Variants in GLIS3 observed in about 807,000 individuals in gnomAD.
GLIS3 encodes the protein GLIS family zinc finger 3, also known as zinc finger protein GLIS3.
A neutral mutation model predicts 78.6 loss-of-function variants in GLIS3; 53 were observed. That is an observed-to-expected ratio of 0.67 (90% CI 0.54 to 0.85). The LOEUF is 0.85. Among genes scored for constraint, GLIS3 ranks in the 40% least tolerant of loss-of-function variants. The probability of loss-of-function intolerance (pLI) is 0.00; values close to 1 mark genes in which losing one functional copy is unlikely to be tolerated. For synonymous variants in GLIS3, 684 were observed against 509.9 expected (o/e 1.34, Z -4.60); for missense variants, 1,703 against 1,231.1 (o/e 1.38, Z -5.74).
the GLIS3 span, among the ~76,000 whole-genome samples, chr9:4,407,587 C>T: frequency 1.4e-3 from 207 of 152,280 alleles, 1 homozygote; most frequent in South Asian, 0.015. Context: ...GCGGAGCTTG[C>T]GGTGAGCCGA....
At position 4,242,391 on chromosome 9, in the gene GLIS3, AG is replaced by A. The variant is rs144394697; in HGVS notation, c.388+43646del. Reference sequence around the variant, plus strand: ...TTATTGCTCAAAAACTTGCTTTCTGAGGAACAATTCCCTTTATTCAGGGCTC... The same window carrying A: ...TTATTGCTCAAAAACTTGCTTTCTGAGAACAATTCCCTTTATTCAGGGCTC... On this transcript the variant is annotated intron_variant, in intron 2 of 10. Coordinates refer to ENST00000381971, the MANE Select transcript of GLIS3 (RefSeq NM_001042413.2). Among the ~76,000 whole-genome samples the A allele has an allele frequency of 6.1e-3, 933 of 152,256 alleles. 6 individuals are homozygous for A. Among genetic ancestry groups the A allele is most frequent in the African/African-American group, 0.022 (897 of 41,534 alleles).
At chr9:4,372,684 G>A in the GLIS3 span, among the ~76,000 whole-genome samples, 10 of 152,254 alleles carry the variant, frequency 6.6e-5, no homozygotes, top group African/African-American at 2.4e-4. Context: ...AAGTCTTGTG[G>A]CTTGGGGAGA....
At chr9:4,190,581 G>A (rs990857125) in intron 2 of GLIS3, among the ~76,000 whole-genome samples, 1 of 149,292 alleles carries the variant, frequency 6.7e-6, no homozygotes, top group Non-Finnish European at 1.5e-5. Flanking sequence ...GTGACGGGGA[G>A]AATGGAACCA....
the GLIS3 span, among the ~76,000 whole-genome samples, chr9:4,379,970 C>A: frequency 1.5e-4 from 2 of 13,362 alleles, no homozygotes; most frequent in Non-Finnish European, 3.4e-4. Context: ...TGAAAGACCC[C>A]CAGGAGGACT....
chr9:4,113,234 G>A (rs1009510286), intron 4 of GLIS3, among the ~76,000 whole-genome samples: 2 of 151,542 alleles, frequency 1.3e-5, no homozygotes, highest in Non-Finnish European at 2.9e-5. Flanking sequence ...AATAAGCCAC[G>A]GTTTATTGAC....
At chr9:3,855,918 G>T in intron 9 of GLIS3, 91 bp downstream of exon 9, 2 of 1,355,244 alleles carry the variant, frequency 1.5e-6, no homozygotes, top group Non-Finnish European at 2.1e-6. Flanking sequence ...GTAGAACAGA[G>T]CATCTGAAAT....
intron 2 of GLIS3, among the ~76,000 whole-genome samples, chr9:4,267,995 A>G (rs1826173102): frequency 6.6e-6 from 1 of 151,708 alleles, no homozygotes. Flanking sequence ...GTGTATATAT[A>G]TGTGTGTGAA....
At chr9:4,441,820 G>A in the GLIS3 span, among the ~76,000 whole-genome samples, 4 of 152,126 alleles carry the variant, frequency 2.6e-5, no homozygotes, top group Non-Finnish European at 4.4e-5. Context: ...TGCCCAGGCT[G>A]TTCTAGAATC....
chr9:3,918,785 G>C (rs574092696), intron 6 of GLIS3, among the ~76,000 whole-genome samples: 1 of 152,292 alleles, frequency 6.6e-6, no homozygotes, highest in East Asian at 1.9e-4. Flanking sequence ...TGGGGTTCTT[G>C]TCTATATAAT....
chr9:4,305,750 G>C, intron 4 of GLIS3: 1 of 117,184 alleles, frequency 8.5e-6, no homozygotes, highest in African/African-American at 3.2e-5. Context: ...TTTCTCCTCT[G>C]TGTTGTGGAG....
At chr9:4,334,093 G>T (rs979845544) in intron 2 of GLIS3, among the ~76,000 whole-genome samples, 4 of 152,154 alleles carry the variant, frequency 2.6e-5, no homozygotes, top group African/African-American at 9.7e-5. Context: ...TGAGTATCAA[G>T]ACAAACAGTT....
intron 2 of GLIS3, among the ~76,000 whole-genome samples, chr9:4,329,611 A>C (rs1817653843): frequency 6.6e-6 from 1 of 152,040 alleles, no homozygotes; most frequent in African/African-American, 2.4e-5. Context: ...CCCACCCTCT[A>C]TCTCTACAGG....
chr9:4,436,051 A>G, the GLIS3 span, among the ~76,000 whole-genome samples: 2 of 152,252 alleles, frequency 1.3e-5, no homozygotes, highest in African/African-American at 4.8e-5. Context: ...GTAAATGTTA[A>G]TATTTGAAAA....
chr9:4,103,611 C>G (rs1348471956), intron 4 of GLIS3, among the ~76,000 whole-genome samples: 1 of 152,152 alleles, frequency 6.6e-6, no homozygotes, highest in Admixed American at 6.5e-5. Context: ...CCCCATGTCA[C>G]CCTCATGGTA....
At chr9:4,330,074 G>C (rs758884707) in intron 2 of GLIS3, among the ~76,000 whole-genome samples, 5 of 152,208 alleles carry the variant, frequency 3.3e-5, no homozygotes, top group Non-Finnish European at 7.4e-5. Context: ...CATCAGGAAT[G>C]CAAATACACA....
rs142076031 is a variant in GLIS3, at chr9:4,163,276, G to A, written c.389-37335C>T. Among the ~76,000 whole-genome samples, 125 of 151,718 alleles carry A rather than the reference G, an allele frequency of 8.2e-4. 1 individual carries two copies. The East Asian group carries it at 0.018, about 22-fold the overall frequency. ...CACACACACACACACACACGCGCAC[G>A]CGCGCACACATACCATTTCTCAAAC... On this transcript the variant is annotated intron_variant, in intron 2 of 10. Coordinates refer to ENST00000381971, the MANE Select transcript of GLIS3 (RefSeq NM_001042413.2).
chr9:4,040,806 G>C (rs145035543), intron 4 of GLIS3, among the ~76,000 whole-genome samples: 240 of 152,282 alleles, frequency 1.6e-3, no homozygotes, highest in African/African-American at 5.6e-3. Context: ...GCTGTCAACT[G>C]GGTCAACTGG....
chr9:4,474,001 T>C, the GLIS3 span, among the ~76,000 whole-genome samples: 1,028 of 141,090 alleles, frequency 7.3e-3, 57 homozygotes, highest in Admixed American at 0.066. Flanking sequence ...CCTGGTATAT[T>C]GTAAAGATGT....
At position 4,117,950 on chromosome 9, in the gene GLIS3, G is replaced by A. The variant is rs1307693359; in HGVS notation, c.1528C>T (p.Leu510=). ...ACGAGCTCCTCCTGCTGGTCGTACA[G>A]GGCGCTGCAGTCGATCCAGCGGCAG... ...HCCRWIDCSA[L]YDQQEELVRH... Residue 510 remains leucine (L), a synonymous_variant, in exon 4 of 11, where the codon CTG becomes TTG. Transcript: ENST00000381971. 1.9e-6 allele frequency: 3 copies of A among 1,614,038 alleles called. No individual in the cohort carries two copies. In the East Asian group the frequency reaches 6.7e-5, roughly 36 times the overall value.
Sources: gnomAD v4.1 joint callset for allele counts (sites outside exome capture counted in the v4.1 genomes callset) on GRCh38, gnomAD v4.1.1 for gene constraint, MANE v1.5 for transcripts, NCBI Gene and HGNC (gene_info 2026-07-23, HGNC 2026-07-21) for gene names.